PDZD7: variants seen among roughly 807,000 people sequenced by gnomAD.
PDZD7 encodes PDZ domain-containing protein 7.
PDZD7 carries 72 observed loss-of-function variants against 84.7 expected under a neutral mutation model. The observed-to-expected ratio is 0.85, with a 90% CI of 0.70 to 1.03. PDZD7 has a LOEUF of 1.03. Among genes scored for constraint, PDZD7 ranks in the 50% least tolerant of loss-of-function variants. PDZD7 has a pLI of 0.00. For missense variants in PDZD7, 1,490 were observed against 1,412.9 expected, an observed-to-expected ratio of 1.05 and a Z score of -0.87; for synonymous variants, 594 against 580.7, an observed-to-expected ratio of 1.02 and a Z score of -0.33.
intron 11 of PDZD7, among the ~76,000 whole-genome samples, chr10:101,012,813 T>C (rs1038924065): frequency 6.6e-5 from 10 of 152,228 alleles, no homozygotes; most frequent in Non-Finnish European, 1.2e-4. Context: ...CACACAGACC[T>C]ACAAATTAGG....
intron 8 of PDZD7, 46 bp downstream of exon 8, chr10:101,018,776 G>A (rs1375040878): frequency 6.5e-7 from 1 of 1,533,412 alleles, no homozygotes; most frequent in Admixed American, 1.9e-5. Flanking sequence ...ACAGGTTTTG[G>A]ACCAGAGGCT....
chr10:101,022,106 TG>T (rs1226341399), intron 5 of PDZD7, 102 bp downstream of exon 5: 2 of 1,574,070 alleles, frequency 1.3e-6, no homozygotes, highest in South Asian at 2.3e-5. Flanking sequence ...GACAGGTGGT[TG>T]GCCAGGCCTC....
At chr10:101,017,594 C>T (rs1232021814) in intron 9 of PDZD7, 6 of 701,194 alleles carry the variant, frequency 8.6e-6, no homozygotes, top group Non-Finnish European at 1.0e-5. Flanking sequence ...CTAGCCTGGG[C>T]AACAGGGTGA....
intron 11 of PDZD7, among the ~76,000 whole-genome samples, chr10:101,013,855 T>C (rs576760753): frequency 3.7e-4 from 56 of 150,340 alleles, no homozygotes; most frequent in African/African-American, 1.2e-3. Flanking sequence ...TTCTTTCTTT[T>C]TTTTTTTTTT....
rs114917863 is a variant in PDZD7 at position 101,023,608 on chromosome 10, G to T, written c.370C>A (p.Arg124=). The change falls in exon 4 of 17, where the codon CGG becomes AGG. Residue 124 remains arginine, a splice_region_variant and synonymous_variant. Coordinates refer to ENST00000619208, the MANE Select transcript of PDZD7 (RefSeq NM_001195263.2). The stretch of plus-strand genomic sequence containing the variant: ...TTGTCCCCCACGCACAGGCCAGCCC[G>T]CTCTGCACCACAGGATGGGAGTGGC... ...SKVEEGSSAE[R]AGLCVGDKIT... The T allele has an allele frequency of 6.2e-6, 10 of 1,611,468 alleles. No individual in the cohort carries two copies. The South Asian group carries it at 6.6e-5, about 11-fold the overall frequency.
chr10:101,018,960 C>T lies in PDZD7; in HGVS notation c.1186G>A (p.Ala396Thr), dbSNP rs910111143. The T allele has an allele frequency of 1.3e-6, 2 of 1,595,720 alleles. No homozygotes were observed. Among genetic ancestry groups the T allele is most frequent in the Admixed American group, 3.5e-5 (2 of 57,246 alleles). ...VRPTVILRDT[A>T]IRSDGPHPGR... is the part of the protein sequence containing the mutation. ...GGATGGGGGCCGTCCGAGCGGATGG[C>T]GGTGTCCCTGAGGATGACTGTGGGC... Residue 396 changes from alanine (A) to threonine (T), a missense_variant, in exon 8 of 17, where the codon GCC (alanine) becomes ACC (threonine). By Grantham distance (58) the Ala-to-Thr change is moderately conservative. Transcript: ENST00000619208.
At chr10:101,012,116 TA>T in intron 12 of PDZD7, 50 bp downstream of exon 12, 1 of 1,541,490 alleles carries the variant, frequency 6.5e-7, no homozygotes, top group South Asian at 1.2e-5. Flanking sequence ...TTGGGGGTGG[TA>T]CCAGGGATCC....
intron 7 of PDZD7, 92 bp from the exon 8 acceptor site, chr10:101,019,309 C>T (rs1852918284): frequency 1.4e-6 from 2 of 1,474,782 alleles, no homozygotes; most frequent in African/African-American, 2.8e-5. Context: ...GTGGAGGAGG[C>T]AAGGTCAGGC....
intron 2 of PDZD7, among the ~76,000 whole-genome samples, chr10:101,025,879 C>T (rs1299299999): frequency 1.3e-5 from 2 of 152,250 alleles, no homozygotes; most frequent in East Asian, 3.9e-4. Flanking sequence ...AGATAGTAAG[C>T]CTCCCATCTT....
intron 12 of PDZD7, 64 bp downstream of exon 12, chr10:101,012,103 A>C: frequency 1.3e-6 from 2 of 1,540,688 alleles, no homozygotes; most frequent in Admixed American, 2.0e-5. Flanking sequence ...AGCCCTCGGG[A>C]GGTTGGGGGT....
rs61058141 is a variant in PDZD7, at chr10:101,017,394, CT to C, written c.1522+704del. The C allele has an allele frequency of 0.23, 87,283 of 374,074 alleles. 11,514 individuals carry two copies. The highest frequency in any genetic ancestry group is 0.59 in the African/African-American group (27,667 of 46,714). The allele number at this position is 374,074 out of a possible 1,614,324, so 23.2% of individuals were successfully genotyped here. A position where few individuals can be genotyped will look rare whatever the true frequency, so the allele number is the denominator to read the frequency against. ...CAAGACGTGCTTTATTTTTCTTTTA[CT>C]TTTTTTTTTTCTTTAGAGACAGGGT... On this transcript the variant is annotated intron_variant, in intron 9 of 16. Coordinates refer to ENST00000619208, the MANE Select transcript of PDZD7 (RefSeq NM_001195263.2).
In PDZD7 at chr10:101,011,776, G is replaced by C; in HGVS notation, c.1934-15C>G. 1 of 1,550,290 alleles carries C rather than the reference G, an allele frequency of 6.5e-7. No individual in the cohort carries two copies. The highest frequency in any genetic ancestry group is 1.4e-5 in the African/African-American group (1 of 73,190). ...AGGAGGCCGGACTGGTTGGAGAGAT[G>C]AACAGGTCAGCGGCAAGGTACCCCG... On this transcript the variant is annotated splice_polypyrimidine_tract_variant and intron_variant, in intron 13 of 16. Transcript: ENST00000619208.
At chr10:101,026,455 A>C in intron 2 of PDZD7, among the ~76,000 whole-genome samples, 1 of 116,948 alleles carries the variant, frequency 8.6e-6, no homozygotes, top group African/African-American at 3.4e-5. Context: ...TTCTGTAAGG[A>C]CTCTGATGGG....
chr10:101,030,159 A>G lies in PDZD7; in HGVS notation c.61T>C (p.Ser21Pro). The G allele has an allele frequency of 6.2e-7, 1 of 1,613,996 alleles. No homozygotes were observed. The highest frequency in any genetic ancestry group is 8.5e-7 in the Non-Finnish European group (1 of 1,179,974). ...CCTCGGGAGGAGAGGGAGCTCAGAG[A>G]GCCGGAGCTCAGGTCTCCTAGGCCC... ...PLGLGDLSSG[S>P]LSSLSSRGHL... Residue 21 changes from serine (S) to proline (P), a missense_variant, in exon 2 of 17, where the codon TCT becomes CCT. Physicochemically the swap from Ser to Pro is moderately conservative, Grantham distance 74. Coordinates refer to ENST00000619208, the MANE Select transcript of PDZD7 (RefSeq NM_001195263.2).
At chr10:101,025,032 T>C (rs1023200730) in intron 2 of PDZD7, among the ~76,000 whole-genome samples, 1 of 152,134 alleles carries the variant, frequency 6.6e-6, no homozygotes, top group African/African-American at 2.4e-5. Context: ...TAAATTAGTA[T>C]ATTAGCTCTA....
rs191103577 is a variant in PDZD7, at chr10:101,015,232, G to A, written c.1749+404C>T. Among the ~76,000 whole-genome samples, 423 of 152,282 alleles carry A rather than the reference G, an allele frequency of 2.8e-3. 10 individuals are homozygous for A. Among genetic ancestry groups the A allele is most frequent in the Admixed American group, 0.025 (388 of 15,302 alleles). Reference sequence around the variant, plus strand: ...CAGTGAAGGATGGAGGCTTGCAGAGGGCAGAGGCAGGCGACTGCAGGGACT... The same window carrying A: ...CAGTGAAGGATGGAGGCTTGCAGAGAGCAGAGGCAGGCGACTGCAGGGACT... On this transcript the variant is annotated intron_variant, in intron 11 of 16. Coordinates refer to ENST00000619208, the MANE Select transcript of PDZD7 (RefSeq NM_001195263.2).
rs990298922 is a variant in PDZD7 at position 101,010,710 on chromosome 10, G to A, written c.2179C>T (p.Pro727Ser). 2.3e-5 allele frequency: 31 copies of A among 1,346,942 alleles called. No individual in the cohort carries two copies. In the Admixed American group the frequency reaches 3.8e-4, roughly 16 times the overall value. 83.4% of individuals were successfully genotyped at this position (1,346,942 alleles called of 1,614,324 possible). A position where few individuals can be genotyped will look rare whatever the true frequency, so the allele number is the denominator to read the frequency against. ...LQDVPVDAFT[P>S]LRIACTPPPQ... ...GGGGGTGTGCAGGCAATTCGGAGGG[G>A]GGTGAAGGCATCTACTGGCACGTCT... Residue 727 changes from proline to serine, a missense_variant, in exon 15 of 17, where the codon CCC becomes TCC. By Grantham distance (74) the Pro-to-Ser change is moderately conservative (BLOSUM62 -1). Coordinates refer to ENST00000619208, the MANE Select transcript of PDZD7 (RefSeq NM_001195263.2).
chr10:101,024,120 G>T (rs751988420), intron 2 of PDZD7, 52 bp from the exon 3 acceptor site: 21 of 1,613,534 alleles, frequency 1.3e-5, no homozygotes, highest in Non-Finnish European at 1.8e-5. Context: ...GGGCACAGAG[G>T]GCCCCTGGGT....
At position 101,023,460 on chromosome 10, in the gene PDZD7, T is replaced by G. The variant is rs771265258; in HGVS notation, c.518A>C (p.Lys173Thr). The change falls in exon 4 of 17, where the codon AAG becomes ACG. Residue 173 changes from lysine to threonine, a missense_variant. Coordinates refer to ENST00000619208, the MANE Select transcript of PDZD7 (RefSeq NM_001195263.2). ...VRRMGRVPGI[K>T]FSKEKTTWVD... is the part of the protein sequence containing the mutation. ...CCACGTGGTCTTCTCCTTGGAGAAC[T>G]TGATGCCCGGCACACGGCCCATGCG... 1 of 1,614,060 alleles carries G rather than the reference T, an allele frequency of 6.2e-7. No individual in the cohort carries two copies. The highest frequency in any genetic ancestry group is 8.5e-7 in the Non-Finnish European group (1 of 1,179,998).
Sources: allele counts gnomAD v4.1 joint callset (sites outside exome capture counted in the v4.1 genomes callset), GRCh38; gene constraint gnomAD v4.1.1; transcripts MANE v1.5; gene names NCBI Gene and HGNC (gene_info 2026-07-23, HGNC 2026-07-21).